The following MYBL1 variants were observed in gnomAD, a reference collection of about 807,000 sequenced individuals.
MYBL1 encodes the protein MYB proto-oncogene like 1.
A neutral mutation model predicts 96.3 loss-of-function variants in MYBL1; 17 were observed. The observed-to-expected ratio is 0.18, with a 90% CI of 0.12 to 0.26. The LOEUF (loss-of-function observed/expected upper bound fraction) is 0.26, where lower values mean the gene tolerates loss of function less well. MYBL1 is among the 10% of genes least tolerant of loss of function. The pLI is 1.00. For missense variants in MYBL1, 701 were observed against 882.9 expected (o/e 0.79, Z 2.61); for synonymous variants, 282 against 292.7 (o/e 0.96, Z 0.37).
Position 66,564,843 on chromosome 8 carries a change from A to T in MYBL1, c.2131-18T>A. The T allele has an allele frequency of 6.6e-7, 1 of 1,522,860 alleles. No homozygotes were observed. The highest frequency in any genetic ancestry group is 8.9e-7 in the Non-Finnish European group (1 of 1,125,560). The allele number at this position is 1,522,860 out of a possible 1,614,324, so 94.3% of individuals were successfully genotyped here. On this transcript the variant is annotated intron_variant, in intron 15 of 15. Coordinates refer to ENST00000522677, the MANE Select transcript of MYBL1 (RefSeq NM_001080416.4). ...CAATTTGACTAGAAAGGAAATATTA[A>T]TAGTGACATGAAAATTATTAAAATA...
intron 12 of MYBL1, among the ~76,000 whole-genome samples, chr8:66,568,746 G>T (rs544655433): frequency 6.6e-6 from 1 of 152,234 alleles, no homozygotes; most frequent in South Asian, 2.1e-4. Flanking sequence ...TCATCACCCA[G>T]CCGGGCGCAG....
intron 1 of MYBL1, among the ~76,000 whole-genome samples, chr8:66,604,218 C>G: frequency 6.6e-6 from 1 of 152,120 alleles, no homozygotes; most frequent in East Asian, 1.9e-4. Flanking sequence ...TGTTAAGACA[C>G]TGGGTAGCCA....
chr8:66,575,400 C>CA (rs1364062911), intron 10 of MYBL1, among the ~76,000 whole-genome samples: 6 of 152,120 alleles, frequency 3.9e-5, no homozygotes, highest in Non-Finnish European at 8.8e-5. Context: ...TAACTTTGGG[C>CA]AAATCAATGT....
intron 3 of MYBL1, among the ~76,000 whole-genome samples, chr8:66,600,266 G>A (rs1810017452): frequency 6.6e-6 from 1 of 152,170 alleles, no homozygotes; most frequent in African/African-American, 2.4e-5. Flanking sequence ...TCATAAGCAA[G>A]ATTACAGAAA....
At chr8:66,565,149 T>C (rs2129675322) in intron 15 of MYBL1, 1 of 156,870 alleles carries the variant, frequency 6.4e-6, no homozygotes, top group South Asian at 2.0e-4. Context: ...TTAGTCTTTA[T>C]TGCTTCAAAA....
At chr8:66,609,042 G>A (rs774048180) in intron 1 of MYBL1, among the ~76,000 whole-genome samples, 17 of 152,040 alleles carry the variant, frequency 1.1e-4, no homozygotes, top group Non-Finnish European at 1.9e-4. Context: ...TGATTAGGGT[G>A]ATTATAAAAC....
At chr8:66,578,102 C>T (rs1366240757) in intron 9 of MYBL1, among the ~76,000 whole-genome samples, 9 of 151,946 alleles carry the variant, frequency 5.9e-5, no homozygotes, top group Non-Finnish European at 1.2e-4. Context: ...AAGACTTAAA[C>T]GTTAGACCTA....
intron 8 of MYBL1, among the ~76,000 whole-genome samples, chr8:66,585,370 T>C (rs1282753700): frequency 6.6e-6 from 1 of 152,188 alleles, no homozygotes; most frequent in East Asian, 1.9e-4. Flanking sequence ...AAAACCTCCT[T>C]TTTTGTGAAA....
chr8:66,588,531 C>T (rs548372780), intron 8 of MYBL1, among the ~76,000 whole-genome samples: 5 of 152,198 alleles, frequency 3.3e-5, no homozygotes, highest in African/African-American at 1.2e-4. Flanking sequence ...CTGCCTGCCT[C>T]AGCCTCCCAA....
At chr8:66,575,920 G>A in intron 10 of MYBL1, 87 bp downstream of exon 10, 1 of 1,346,538 alleles carries the variant, frequency 7.4e-7, no homozygotes, top group Non-Finnish European at 1.0e-6. Flanking sequence ...TGTTATCAAA[G>A]CTACCAACTG....
chr8:66,610,139 G>T, intron 1 of MYBL1, among the ~76,000 whole-genome samples: 1 of 151,932 alleles, frequency 6.6e-6, no homozygotes, highest in Non-Finnish European at 1.5e-5. Context: ...ACTGACTTTC[G>T]AATCTAAAAT....
At chr8:66,593,963 C>T (rs186454786) in intron 6 of MYBL1, among the ~76,000 whole-genome samples, 1 of 152,060 alleles carries the variant, frequency 6.6e-6, no homozygotes, top group African/African-American at 2.4e-5. Flanking sequence ...TGGCAAGACC[C>T]TGTTTTTACA....
At chr8:66,565,571 A>C (rs1282071957) in intron 15 of MYBL1, 1 of 152,380 alleles carries the variant, frequency 6.6e-6, no homozygotes, top group Admixed American at 6.6e-5. Flanking sequence ...GTAAACTCTT[A>C]ATGCAGTAAA....
intron 3 of MYBL1, among the ~76,000 whole-genome samples, chr8:66,599,841 C>G (rs1809999321): frequency 6.6e-6 from 1 of 151,900 alleles, no homozygotes; most frequent in Non-Finnish European, 1.5e-5. Flanking sequence ...GCCTATCAGT[C>G]TGGATTCACG....
At position 66,562,461 on chromosome 8, in the gene MYBL1, T is replaced by TA. The variant is rs1458999625; in HGVS notation, c.*2235dup. ...CTTAAGATGCCTGACATGTTTAAGATAAAAAATCTTGCAAAAAGCAACAAA... is the reference window on the plus strand; with the variant it reads ...CTTAAGATGCCTGACATGTTTAAGATAAAAAAATCTTGCAAAAAGCAACAAA... On this transcript the variant is annotated 3_prime_UTR_variant, in exon 16 of 16. Coordinates refer to ENST00000522677, the MANE Select transcript of MYBL1 (RefSeq NM_001080416.4). 5.2e-5 allele frequency: 8 copies of TA among 152,474 alleles called. No homozygotes were observed. The highest frequency in any genetic ancestry group is 1.9e-4 in the African/African-American group (8 of 41,498). 9.4% of individuals were successfully genotyped at this position (152,474 alleles called of 1,614,324 possible). A position where few individuals can be genotyped will look rare whatever the true frequency, so the allele number is the denominator to read the frequency against.
chr8:66,602,602 G>A (rs2130017590), intron 1 of MYBL1, 79 bp from the exon 2 acceptor site: 1 of 856,176 alleles, frequency 1.2e-6, no homozygotes, highest in South Asian at 1.7e-5. Context: ...GTGTGTGCAG[G>A]TATGACTGAA....
intron 1 of MYBL1, chr8:66,612,210 C>T (rs1810557259): frequency 6.6e-6 from 1 of 152,144 alleles, no homozygotes; most frequent in Non-Finnish European, 1.5e-5. Flanking sequence ...CTAGTTGTTA[C>T]TATGTGACAT....
chr8:66,586,924 G>A (rs1348923531), intron 8 of MYBL1, among the ~76,000 whole-genome samples: 2 of 152,060 alleles, frequency 1.3e-5, no homozygotes, highest in Non-Finnish European at 2.9e-5. Context: ...TATGTTAAAT[G>A]AAATAAGCCA....
Position 66,612,903 on chromosome 8 carries a change from G to C in MYBL1, c.-65C>G. ...GGGTCAGCCTCCTCCAGCCTCCGGC[G>C]AATGCTCCTTCTCCCCGATCCTCTA... On this transcript the variant is annotated 5_prime_UTR_variant, in exon 1 of 16. Coordinates refer to ENST00000522677, the MANE Select transcript of MYBL1 (RefSeq NM_001080416.4). The C allele has an allele frequency of 7.6e-7, 1 of 1,321,974 alleles. No individual in the cohort carries two copies. Among genetic ancestry groups the C allele is most frequent in the Non-Finnish European group, 9.8e-7 (1 of 1,023,702 alleles). 81.9% of individuals were successfully genotyped at this position (1,321,974 alleles called of 1,614,324 possible).
Sources: gnomAD v4.1 joint callset for allele counts (sites outside exome capture counted in the v4.1 genomes callset) on GRCh38, gnomAD v4.1.1 for gene constraint, MANE v1.5 for transcripts, NCBI Gene and HGNC (gene_info 2026-07-23, HGNC 2026-07-21) for gene names.